Variants in ZC3H13 observed in about 807,000 individuals in gnomAD.
ZC3H13 encodes the protein zinc finger CCCH domain-containing protein 13.
Under a neutral mutation model 204.1 loss-of-function variants are expected in ZC3H13, and 64 were observed. That is an observed-to-expected ratio of 0.31 (90% CI 0.26 to 0.39). The LOEUF is 0.39. Among genes scored for constraint, ZC3H13 ranks in the 10% least tolerant of loss-of-function variants. The probability of loss-of-function intolerance (pLI) is 1.00; values close to 1 mark genes in which losing one functional copy is unlikely to be tolerated. For synonymous variants in ZC3H13, 667 were observed against 693.7 expected, an observed-to-expected ratio of 0.96 and a Z score of 0.60; for missense variants, 1,833 against 2,082.7, an observed-to-expected ratio of 0.88 and a Z score of 2.33.
At chr13:45,957,439 A>G in intron 18 of ZC3H13, 142 bp from the exon 19 acceptor site, 1 of 885,340 alleles carries the variant, frequency 1.1e-6, no homozygotes, top group Non-Finnish European at 1.5e-6. Context: ...TGGATTTCAA[A>G]GCAAAATTAG....
chr13:45,978,049 G>T (rs1861282011), intron 11 of ZC3H13, among the ~76,000 whole-genome samples: 1 of 152,034 alleles, frequency 6.6e-6, no homozygotes, highest in Non-Finnish European at 1.5e-5. Flanking sequence ...TGTACATGCT[G>T]CACCCTCTCC....
In ZC3H13 at chr13:46,052,725, T is replaced by C. The variant is rs11574997; in HGVS notation, c.-331A>G. 0.018 allele frequency: 7,244 copies of C among 397,938 alleles called. 105 individuals carry two copies. The highest frequency in any genetic ancestry group is 0.02 in the Non-Finnish European group (4,591 of 225,740). The allele number at this position is 397,938 out of a possible 1,614,324, so 24.7% of individuals were successfully genotyped here. ...GGCCGCTAGGAGGACCGCCTCAAAA[T>C]GCCGCCGGAAGTCAGAGGTTTGCCC... On this transcript the variant is annotated 5_prime_UTR_variant, in exon 1 of 19. Transcript: ENST00000679008.
chr13:46,048,300 G>C (rs367565011), intron 1 of ZC3H13, among the ~76,000 whole-genome samples: 8 of 152,036 alleles, frequency 5.3e-5, no homozygotes, highest in Non-Finnish European at 8.8e-5. Context: ...AGATTTCGCC[G>C]GGCGCGGTGG....
chr13:46,052,334 C>T (rs1015641673), intron 1 of ZC3H13, 70 bp downstream of exon 1: 1 of 392,230 alleles, frequency 2.5e-6, no homozygotes, highest in Non-Finnish European at 4.5e-6. Flanking sequence ...GGGGGGTAAC[C>T]CGGGCCTCCG....
chr13:45,962,825 C>CT (rs1180411559), intron 17 of ZC3H13: 20 of 985,204 alleles, frequency 2.0e-5, no homozygotes, highest in Middle Eastern at 1.0e-3. Context: ...CCTTTTCCTT[C>CT]TTTTTACCAT....
At chr13:46,004,527 A>G (rs2040990598) in intron 7 of ZC3H13, among the ~76,000 whole-genome samples, 1 of 152,144 alleles carries the variant, frequency 6.6e-6, no homozygotes, top group Non-Finnish European at 1.5e-5. Flanking sequence ...GTGACAGAGT[A>G]AGACTCTAAC....
chr13:46,018,823 A>C (rs920889580), intron 5 of ZC3H13, among the ~76,000 whole-genome samples: 11 of 152,208 alleles, frequency 7.2e-5, no homozygotes, highest in African/African-American at 2.4e-4. Flanking sequence ...AAGAAGTATC[A>C]AATACATTTT....
Position 46,045,376 on chromosome 13 carries a change from C to T in ZC3H13, c.117+15G>A, listed in dbSNP as rs754427981. The T allele has an allele frequency of 1.3e-6, 2 of 1,582,734 alleles. No individual in the cohort carries two copies. Among genetic ancestry groups the T allele is most frequent in the African/African-American group, 1.3e-5 (1 of 74,304 alleles). ...TTCTAAGAGAACCCCTGTGACTATA[C>T]TAGTGACAACTCACCTCTGCTGTAC... On this transcript the variant is annotated intron_variant, in intron 2 of 18. Coordinates refer to ENST00000679008, the MANE Select transcript of ZC3H13 (RefSeq NM_001330564.2).
At chr13:45,961,241 A>T (rs1390065135) in intron 17 of ZC3H13, among the ~76,000 whole-genome samples, 1 of 152,084 alleles carries the variant, frequency 6.6e-6, no homozygotes, top group East Asian at 1.9e-4. Context: ...ATTCCACTAC[A>T]GATATAATAT....
intron 13 of ZC3H13, among the ~76,000 whole-genome samples, 155 bp downstream of exon 13, chr13:45,970,207 C>T (rs536204115): frequency 1.3e-5 from 2 of 152,194 alleles, no homozygotes; most frequent in South Asian, 4.1e-4. Context: ...AGTACTCTAA[C>T]ACATACTTTA....
intron 12 of ZC3H13, 56 bp downstream of exon 12, chr13:45,975,227 C>G (rs916401878): frequency 9.0e-6 from 14 of 1,551,940 alleles, no homozygotes; most frequent in Middle Eastern, 3.5e-4. Flanking sequence ...TTAAATGAAA[C>G]TTTGAATTCT....
chr13:45,963,476 T>A, intron 17 of ZC3H13: 1 of 1,026,368 alleles, frequency 9.7e-7, no homozygotes, highest in Non-Finnish European at 1.2e-6. Flanking sequence ...GGTTGGAGTG[T>A]GGTGGCTCAA....
intron 12 of ZC3H13, among the ~76,000 whole-genome samples, chr13:45,974,691 T>C (rs1952868268): frequency 6.6e-6 from 1 of 152,114 alleles, no homozygotes; most frequent in South Asian, 2.1e-4. Flanking sequence ...TCCTGTAGCC[T>C]GGGGGTAGTG....
intron 8 of ZC3H13, among the ~76,000 whole-genome samples, chr13:45,991,369 T>C (rs898125218): frequency 1.3e-5 from 2 of 152,230 alleles, no homozygotes; most frequent in East Asian, 3.8e-4. Context: ...AATCGGGCTA[T>C]CACATTAAGG....
intron 4 of ZC3H13, among the ~76,000 whole-genome samples, chr13:46,022,513 G>A (rs1018409388): frequency 1.1e-4 from 17 of 151,764 alleles, no homozygotes; most frequent in Admixed American, 7.2e-4. Flanking sequence ...AGTGTAGCAC[G>A]GTCTACTATT....
chr13:46,020,607 G>C, intron 4 of ZC3H13, 50 bp from the exon 5 acceptor site: 1 of 1,230,604 alleles, frequency 8.1e-7, no homozygotes, highest in South Asian at 1.4e-5. Context: ...TAAAAATTAT[G>C]AGGTAGTTTA....
At chr13:45,996,240 GATC>G (rs1252280299) in intron 8 of ZC3H13, among the ~76,000 whole-genome samples, 2 of 152,126 alleles carry the variant, frequency 1.3e-5, no homozygotes, top group African/African-American at 4.8e-5. Context: ...TCTACCAAAA[GATC>G]ATTATAAATA....
intron 11 of ZC3H13, among the ~76,000 whole-genome samples, chr13:45,979,515 CCA>C (rs1410698407): frequency 9.9e-5 from 15 of 151,834 alleles, no homozygotes; most frequent in Non-Finnish European, 1.5e-5. Context: ...GGAATAGAAC[CCA>C]ACCATCTACA....
In ZC3H13 at chr13:45,989,009, G is replaced by A. The variant is rs1237673226; in HGVS notation, c.1033C>T (p.His345Tyr). 1 of 1,614,036 alleles carries A rather than the reference G, an allele frequency of 6.2e-7. No homozygotes were observed. The highest frequency in any genetic ancestry group is 8.5e-7 in the Non-Finnish European group (1 of 1,180,036). ...CTTTTTCGACGAGGAGAAGGAGAAT[G>A]TCTTTGAATAGATGATCCTGATTGT... ...SSQSGSSIQR[H>Y]SPSPRRKRTP... Residue 345 changes from histidine to tyrosine, a missense_variant, in exon 9 of 19, where the codon CAT (histidine) becomes TAT (tyrosine). By Grantham distance (83) the His-to-Tyr change is moderately conservative. This residue lies in a region of ZC3H13 where 1,574 missense variants were observed against 1,757.2 expected (regional missense o/e 0.90). Coordinates refer to ENST00000679008, the MANE Select transcript of ZC3H13 (RefSeq NM_001330564.2).
Sources: gnomAD v4.1 joint callset for allele counts (sites outside exome capture counted in the v4.1 genomes callset) on GRCh38, gnomAD v4.1.1 for gene constraint, gnomAD v4.1.1 regional missense constraint, MANE v1.5 for transcripts, NCBI Gene and HGNC (gene_info 2026-07-23, HGNC 2026-07-21) for gene names.